PCDHGA7: variants seen among roughly 807,000 people sequenced by gnomAD.
PCDHGA7 encodes protocadherin gamma-A7.
Under a neutral mutation model 58.3 loss-of-function variants are expected in PCDHGA7, and 44 were observed. The ratio of observed to expected loss-of-function variants is 0.75; its 90% CI spans 0.59 to 0.97. The LOEUF (loss-of-function observed/expected upper bound fraction) is 0.97, where lower values mean the gene tolerates loss of function less well. PCDHGA7 is among the 50% of genes least tolerant of loss of function. The pLI is 0.00. For missense variants in PCDHGA7, 1,266 were observed against 1,188.7 expected (o/e 1.06, Z -0.96); for synonymous variants, 516 against 504.2 (o/e 1.02, Z -0.31).
chr5:141,414,255 G>A (rs776584940), intron 1 of PCDHGA7: 12 of 1,613,350 alleles, frequency 7.4e-6, no homozygotes, highest in Non-Finnish European at 1.0e-5. Flanking sequence ...TTAGTCCAGT[G>A]ACTGAAGATT....
At chr5:141,402,812 C>A in intron 1 of PCDHGA7, 1 of 1,243,796 alleles carries the variant, frequency 8.0e-7, no homozygotes, top group Non-Finnish European at 1.1e-6. Flanking sequence ...GCAGATACCA[C>A]AAACCTGCTC....
rs1778536520 is a variant in PCDHGA7, at chr5:141,382,893, G to A, written c.-7G>A. On this transcript the variant is annotated 5_prime_UTR_variant, in exon 1 of 4. Transcript: ENST00000518325. ...ATCGGCGCCTAAGCAAGAGAAGCAGGACGACTATGGCGGCTCAGCCGAGGG... is the reference window on the plus strand; with the variant it reads ...ATCGGCGCCTAAGCAAGAGAAGCAGAACGACTATGGCGGCTCAGCCGAGGG... The A allele has an allele frequency of 6.5e-7, 1 of 1,534,786 alleles. No individual in the cohort carries two copies. Among genetic ancestry groups the A allele is most frequent in the African/African-American group, 1.4e-5 (1 of 72,050 alleles).
At chr5:141,450,516 C>T (rs150995579) in intron 1 of PCDHGA7, among the ~76,000 whole-genome samples, 2,020 of 152,024 alleles carry the variant, frequency 0.013, 56 homozygotes, top group African/African-American at 0.046. Context: ...GATGGAGTCT[C>T]ATTCTTGTCA....
rs774071540 is a variant in PCDHGA7, at chr5:141,511,042, G to A, written c.2668G>A (p.Asp890Asn). 8 of 1,614,064 alleles carry A rather than the reference G, an allele frequency of 5.0e-6. No homozygotes were observed. Among genetic ancestry groups the A allele is most frequent in the Non-Finnish European group, 6.8e-6 (8 of 1,180,016 alleles). Residue 890 changes from aspartate to asparagine, a missense_variant, in exon 4 of 4, where the codon GAC becomes AAC. Physicochemically the swap from Asp to Asn is conservative, Grantham distance 23. Coordinates refer to ENST00000518325, the MANE Select transcript of PCDHGA7 (RefSeq NM_018920.4). Reference sequence around the variant, plus strand: ...CCAGTTCACCCTGCAGCACGTGCCCGACTACCGCCAGAATGTCTACATCCC... The same window carrying A: ...CCAGTTCACCCTGCAGCACGTGCCCAACTACCGCCAGAATGTCTACATCCC... ...GPQFTLQHVPDYRQNVYIPGS... is the reference protein window; with the variant it reads ...GPQFTLQHVPNYRQNVYIPGS...
At chr5:141,471,361 CT>C (rs2099255928) in intron 1 of PCDHGA7, 1 of 151,976 alleles carries the variant, frequency 6.6e-6, no homozygotes, top group Non-Finnish European at 1.5e-5. Flanking sequence ...TCCAAGCCCC[CT>C]ATTTTTATTT....
At chr5:141,385,619 T>C (rs1478717188) in intron 1 of PCDHGA7, 1 of 1,064,028 alleles carries the variant, frequency 9.4e-7, no homozygotes, top group Non-Finnish European at 1.2e-6. Flanking sequence ...ATTTTATACA[T>C]TGGAATGAAT....
chr5:141,393,572 G>A, intron 1 of PCDHGA7: 1 of 1,613,908 alleles, frequency 6.2e-7, no homozygotes, highest in Non-Finnish European at 8.5e-7. Context: ...AAGTCCTTGA[G>A]AACATGCCCC....
chr5:141,410,817 ATGTCACCAGACTGAAGATATTTTGTCTT>A, intron 1 of PCDHGA7: 1 of 524,252 alleles, frequency 1.9e-6, no homozygotes, highest in Non-Finnish European at 3.1e-6. Flanking sequence ...TTGTAAAATA[ATGTCACCAGACTGAAGATATTTTGTCTT>A]TGTCTTTTTT....
chr5:141,408,958 T>A, intron 1 of PCDHGA7: 8 of 1,613,670 alleles, frequency 5.0e-6, no homozygotes, highest in Non-Finnish European at 6.8e-6. Flanking sequence ...TTAGTCTTAG[T>A]GAAAATCTGC....
intron 1 of PCDHGA7, chr5:141,390,071 C>G (rs1322880756): frequency 1.2e-6 from 2 of 1,614,084 alleles, no homozygotes; most frequent in Non-Finnish European, 1.7e-6. Flanking sequence ...AGCCTGGTCT[C>G]TGTGTTAAAT....
At chr5:141,422,729 C>G (rs1352451042) in intron 1 of PCDHGA7, 1 of 1,606,960 alleles carries the variant, frequency 6.2e-7, no homozygotes, top group South Asian at 1.1e-5. Flanking sequence ...CAGGGGGTGC[C>G]TCTGTCCTCC....
chr5:141,490,688 CTG>C lies in PCDHGA7; in HGVS notation c.2425-4118_2425-4117del. 6.2e-7 allele frequency: 1 copy of C among 1,614,218 alleles called. No homozygotes were observed. On this transcript the variant is annotated intron_variant, in intron 1 of 3. Coordinates refer to ENST00000518325, the MANE Select transcript of PCDHGA7 (RefSeq NM_018920.4). This position sits in a 1 kb window ranked among gnomAD's most constrained non-coding sequence, Gnocchi z 5.4. ...ACTGTGGCTGCCTCAGATCCAGACA[CTG>C]GGGATAATGCCCGCCTCACCTACTC... is the stretch of plus-strand genomic sequence containing the variant.
chr5:141,383,596 G>T lies in PCDHGA7; in HGVS notation c.697G>T (p.Val233Leu). ...CACCGCCCACATCCAGGTGACAGTG[G>T]TGGATGTGAATGACCACACGCCTGT... ...SSTAHIQVTV[V>L]DVNDHTPVFS... Residue 233 changes from valine to leucine, a missense_variant, in exon 1 of 4, where the codon GTG becomes TTG. Transcript: ENST00000518325. 6.2e-7 allele frequency: 1 copy of T among 1,613,702 alleles called. No homozygotes were observed. Among genetic ancestry groups the T allele is most frequent in the Non-Finnish European group, 8.5e-7 (1 of 1,179,862 alleles).
Position 141,420,043 on chromosome 5 carries a change from G to T in PCDHGA7, c.2424+34720G>T, listed in dbSNP as rs747553514. On this transcript the variant is annotated intron_variant, in intron 1 of 3. Coordinates refer to ENST00000518325, the MANE Select transcript of PCDHGA7 (RefSeq NM_018920.4). ...GCCCTACTGCAGGAGACTGCTTTGAGTCAGTTCTCTGCTCCAAGTCCGGAC... is the reference window on the plus strand; with the variant it reads ...GCCCTACTGCAGGAGACTGCTTTGATTCAGTTCTCTGCTCCAAGTCCGGAC... The T allele has an allele frequency of 1.9e-6, 3 of 1,614,078 alleles. No individual in the cohort carries two copies. In the Admixed American group the frequency reaches 5.0e-5, roughly 27 times the overall value.
chr5:141,415,739 G>A, intron 1 of PCDHGA7: 4 of 434,948 alleles, frequency 9.2e-6, no homozygotes, highest in Non-Finnish European at 1.3e-5. Context: ...TGTTTATTAA[G>A]GTTTTTTTTT....
intron 3 of PCDHGA7, 110 bp from the exon 4 acceptor site, chr5:141,510,837 G>A (rs969654751): frequency 1.3e-6 from 2 of 1,586,392 alleles, no homozygotes; most frequent in Non-Finnish European, 8.6e-7. Context: ...GCTCAGCGTG[G>A]TCAAGGCCCA....
intron 1 of PCDHGA7, chr5:141,478,308 T>A: frequency 6.2e-7 from 1 of 1,614,050 alleles, no homozygotes; most frequent in Non-Finnish European, 8.5e-7. Context: ...CGAGCCCCGG[T>A]GAGCTCACTG....
intron 1 of PCDHGA7, chr5:141,408,971 C>A: frequency 6.2e-7 from 1 of 1,613,816 alleles, no homozygotes; most frequent in Non-Finnish European, 8.5e-7. Context: ...AAATCTGCCC[C>A]CTGGGTCCCC....
chr5:141,409,748 G>A (rs2095311209), intron 1 of PCDHGA7: 1 of 1,613,018 alleles, frequency 6.2e-7, no homozygotes, highest in Non-Finnish European at 8.5e-7. Context: ...GGTGGTGTTC[G>A]CGCAGCGCGC....
Sources: allele counts gnomAD v4.1 joint callset (sites outside exome capture counted in the v4.1 genomes callset), GRCh38; gene constraint gnomAD v4.1.1; non-coding constraint Gnocchi (gnomAD v3.1); transcripts MANE v1.5; gene names NCBI Gene and HGNC (gene_info 2026-07-23, HGNC 2026-07-21).